The following BTBD9 variants were observed in gnomAD, a reference collection of about 807,000 sequenced individuals.
The protein encoded by BTBD9 is BTB/POZ domain-containing protein 9.
In BTBD9, 49 loss-of-function variants were observed where a neutral mutation model predicts 64.3. That is an observed-to-expected ratio of 0.76 (90% CI 0.61 to 0.97). The LOEUF is 0.97. Ranked by LOEUF, BTBD9 falls within the 50% of genes least tolerant of loss-of-function variation. The pLI, the probability that BTBD9 is intolerant of heterozygous loss-of-function variation, is 0.00. For missense variants in BTBD9, 598 were observed against 762.1 expected, an observed-to-expected ratio of 0.78 and a Z score of 2.53; for synonymous variants, 260 against 274.7, an observed-to-expected ratio of 0.95 and a Z score of 0.53.
chr6:38,456,805 T>C (rs1769834073), intron 6 of BTBD9, among the ~76,000 whole-genome samples: 2 of 152,224 alleles, frequency 1.3e-5, no homozygotes, highest in Non-Finnish European at 2.9e-5. Context: ...CCCAAACTAG[T>C]CTTTTTTACT....
chr6:38,194,353 G>A (rs915047986), intron 9 of BTBD9, among the ~76,000 whole-genome samples: 7 of 152,340 alleles, frequency 4.6e-5, no homozygotes, highest in Admixed American at 4.6e-4. Context: ...GTACACTAAA[G>A]CTGGCCCACT....
chr6:38,631,285 G>C (rs1361111443), intron 1 of BTBD9, among the ~76,000 whole-genome samples: 4 of 152,152 alleles, frequency 2.6e-5, no homozygotes, highest in Non-Finnish European at 5.9e-5. Flanking sequence ...ATTATTGCAT[G>C]TGCTAAAACA....
intron 8 of BTBD9, among the ~76,000 whole-genome samples, chr6:38,276,644 C>G (rs1156577052): frequency 2.0e-5 from 3 of 152,130 alleles, no homozygotes; most frequent in African/African-American, 7.2e-5. Flanking sequence ...TCCCGAAAGT[C>G]AGGAATACTC....
At chr6:38,386,630 C>CTTTTT (rs11423572) in intron 6 of BTBD9, among the ~76,000 whole-genome samples, 5 of 92,770 alleles carry the variant, frequency 5.4e-5, no homozygotes, top group Admixed American at 1.3e-4. Flanking sequence ...CCAGTTTACT[C>CTTTTT]TTTTTTTTTT....
At chr6:38,609,575 G>T (rs1777542890) in intron 1 of BTBD9, among the ~76,000 whole-genome samples, 1 of 151,974 alleles carries the variant, frequency 6.6e-6, no homozygotes, top group Non-Finnish European at 1.5e-5. Context: ...ATTAAAAAAA[G>T]ACACAGAATA....
intron 6 of BTBD9, among the ~76,000 whole-genome samples, chr6:38,460,379 T>C (rs878867841): frequency 1.2e-4 from 19 of 152,216 alleles, no homozygotes; most frequent in Non-Finnish European, 4.4e-5. Flanking sequence ...ACATTCCTAT[T>C]TGTTTTGTGG....
chr6:38,221,362 C>T (rs1763189253), intron 9 of BTBD9, among the ~76,000 whole-genome samples: 1 of 152,220 alleles, frequency 6.6e-6, no homozygotes, highest in South Asian at 2.1e-4. Context: ...CACCTGCTTT[C>T]CTGTAATCAC....
chr6:38,574,225 T>A (rs1775924260), intron 6 of BTBD9, among the ~76,000 whole-genome samples: 1 of 152,202 alleles, frequency 6.6e-6, no homozygotes, highest in African/African-American at 2.4e-5. Context: ...AAGCCTGATA[T>A]TATCTGCCAT....
At chr6:38,463,666 C>A (rs1770206919) in intron 6 of BTBD9, among the ~76,000 whole-genome samples, 1 of 152,168 alleles carries the variant, frequency 6.6e-6, no homozygotes, top group Non-Finnish European at 1.5e-5. Flanking sequence ...GTTCCTTCTA[C>A]CCCCTAATTC....
intron 1 of BTBD9, among the ~76,000 whole-genome samples, chr6:38,599,813 T>C (rs1010549675): frequency 2.0e-5 from 3 of 152,174 alleles, no homozygotes; most frequent in Admixed American, 1.3e-4. Context: ...TACCACCATA[T>C]GCCCACCCTC....
At chr6:38,208,734 A>G (rs1040969693) in intron 9 of BTBD9, among the ~76,000 whole-genome samples, 9 of 152,198 alleles carry the variant, frequency 5.9e-5, no homozygotes, top group Non-Finnish European at 8.8e-5. Context: ...ACTGGATTTT[A>G]TAGCTGTCTC....
chr6:38,597,211 T>C (rs35975219), intron 2 of BTBD9, among the ~76,000 whole-genome samples: 13,248 of 152,246 alleles, frequency 0.087, 704 homozygotes, highest in Middle Eastern at 0.18. Flanking sequence ...TACAAGGTAA[T>C]TGAAATTTTC....
At chr6:38,371,547 C>T (rs572863315) in intron 6 of BTBD9, among the ~76,000 whole-genome samples, 11 of 152,260 alleles carry the variant, frequency 7.2e-5, no homozygotes, top group African/African-American at 2.4e-4. Flanking sequence ...ACAGGGTGAA[C>T]GAGATGGATG....
At position 38,598,116 on chromosome 6, in the gene BTBD9, G is replaced by A. The variant is rs763744217; in HGVS notation, c.-22C>T. On this transcript the variant is annotated 5_prime_UTR_variant, in exon 2 of 11. In the 5' UTR this introduces an upstream ATG that the reference lacks. Transcript: ENST00000481247. ...TCATCTTGTGGAATAGACGATAGTC[G>A]TTGTTCTATCATATAAAGAAGGAAT... is the stretch of plus-strand genomic sequence containing the variant. 1.3e-5 allele frequency: 21 copies of A among 1,606,608 alleles called. No individual in the cohort carries two copies. In the East Asian group the frequency reaches 1.3e-4, roughly 10 times the overall value.
chr6:38,489,502 A>AT (rs371511784), intron 6 of BTBD9, among the ~76,000 whole-genome samples: 5 of 151,928 alleles, frequency 3.3e-5, no homozygotes, highest in Admixed American at 1.3e-4. Flanking sequence ...TAATTACAGT[A>AT]TTTTTTTTCA....
At chr6:38,385,326 A>G (rs1766105710) in intron 6 of BTBD9, among the ~76,000 whole-genome samples, 1 of 151,216 alleles carries the variant, frequency 6.6e-6, no homozygotes, top group Non-Finnish European at 1.5e-5. Context: ...AGTAGCTGGG[A>G]TTACAGGTGC....
rs1766800472 is a variant in BTBD9, at chr6:38,171,880, A to AAAAAAT, written c.*3104_*3105insATTTTT. 4.5e-5 allele frequency: 4 copies of AAAAAAT among 89,540 alleles called. No homozygotes were observed. Among genetic ancestry groups the AAAAAAT allele is most frequent in the African/African-American group, 5.1e-5 (1 of 19,702 alleles). 5.5% of individuals were successfully genotyped at this position (89,540 alleles called of 1,614,324 possible). A position where few individuals can be genotyped will look rare whatever the true frequency, so the allele number is the denominator to read the frequency against. On this transcript the variant is annotated 3_prime_UTR_variant, in exon 11 of 11. Transcript: ENST00000481247. ...AAAAAAAAAAAAAAAAAAAAAAAAA[A>AAAAAAT]AATAATAATAATAATAATAATAATA...
At chr6:38,206,627 T>C (rs1582049803) in intron 9 of BTBD9, among the ~76,000 whole-genome samples, 1 of 152,134 alleles carries the variant, frequency 6.6e-6, no homozygotes, top group East Asian at 1.9e-4. Flanking sequence ...GATAGTTACA[T>C]AGTCATCCTA....
chr6:38,187,595 C>T (rs190019471), intron 10 of BTBD9, among the ~76,000 whole-genome samples: 2 of 151,964 alleles, frequency 1.3e-5, no homozygotes, highest in African/African-American at 2.4e-5. Context: ...CAGAGCCAGG[C>T]GAGCAGGGAG....
Sources: allele counts gnomAD v4.1 joint callset (sites outside exome capture counted in the v4.1 genomes callset), GRCh38; gene constraint gnomAD v4.1.1; transcripts MANE v1.5; gene names NCBI Gene and HGNC (gene_info 2026-07-23, HGNC 2026-07-21).